Variants in MBNL1 observed in about 807,000 individuals in gnomAD.
MBNL1 encodes muscleblind-like protein 1.
MBNL1 carries 8 observed loss-of-function variants against 42.2 expected under a neutral mutation model. The ratio of observed to expected loss-of-function variants is 0.19; its 90% CI spans 0.11 to 0.34. The LOEUF (loss-of-function observed/expected upper bound fraction) is 0.34, where lower values mean the gene tolerates loss of function less well. MBNL1 is among the 10% of genes least tolerant of loss of function. The pLI is 1.00. For synonymous variants in MBNL1, 169 were observed against 173.9 expected, an observed-to-expected ratio of 0.97 and a Z score of 0.22; for missense variants, 309 against 495.3, an observed-to-expected ratio of 0.62 and a Z score of 3.57.
chr3:152,287,214 CAA>C (rs879707995), intron 1 of MBNL1, among the ~76,000 whole-genome samples: 5 of 84,220 alleles, frequency 5.9e-5, no homozygotes, highest in Non-Finnish European at 2.5e-5. Context: ...GACTCCGTCT[CAA>C]AAAAAAAAAA....
intron 3 of MBNL1, among the ~76,000 whole-genome samples, chr3:152,424,835 A>G (rs1053786838): frequency 6.6e-6 from 1 of 152,216 alleles, no homozygotes; most frequent in Non-Finnish European, 1.5e-5. Flanking sequence ...GATTCTGTAT[A>G]TAATACATGG....
intron 2 of MBNL1, among the ~76,000 whole-genome samples, chr3:152,333,325 G>C (rs189244940): frequency 5.5e-4 from 83 of 152,246 alleles, no homozygotes; most frequent in Admixed American, 1.1e-3. Flanking sequence ...TCTTAAGCTG[G>C]TAAATATCAT....
intron 1 of MBNL1, among the ~76,000 whole-genome samples, chr3:152,288,571 T>C (rs1038895942): frequency 1.3e-5 from 2 of 152,192 alleles, no homozygotes; most frequent in African/African-American, 4.8e-5. Flanking sequence ...TTTGTAGATA[T>C]AATGTATTAA....
chr3:152,277,234 A>AT (rs2045775355), intron 1 of MBNL1, among the ~76,000 whole-genome samples: 1 of 152,170 alleles, frequency 6.6e-6, no homozygotes, highest in African/African-American at 2.4e-5. Context: ...AGGTCACCAA[A>AT]TTCTTTGTCC....
chr3:152,384,982 G>T (rs1400473811), intron 2 of MBNL1, among the ~76,000 whole-genome samples: 2 of 151,932 alleles, frequency 1.3e-5, no homozygotes, highest in African/African-American at 4.8e-5. Context: ...TGAAAAGCAG[G>T]TCAAATAGCT....
chr3:152,431,202 A>G (rs1046430462), intron 3 of MBNL1, among the ~76,000 whole-genome samples: 3 of 152,162 alleles, frequency 2.0e-5, no homozygotes, highest in Non-Finnish European at 2.9e-5. Context: ...GTTGTAGGAC[A>G]CTTAGCAGCA....
At chr3:152,460,623 C>CAA (rs1056514938) in intron 9 of MBNL1, among the ~76,000 whole-genome samples, 1 of 136,038 alleles carries the variant, frequency 7.4e-6, no homozygotes, top group Admixed American at 7.3e-5. Context: ...AAAAAAAAAA[C>CAA]AAAAAAAAAA....
intron 6 of MBNL1, among the ~76,000 whole-genome samples, chr3:152,454,640 C>T (rs1730106004): frequency 6.6e-6 from 1 of 152,140 alleles, no homozygotes; most frequent in South Asian, 2.1e-4. Context: ...CAATTGTCAG[C>T]ATCAGTGCTA....
Position 152,367,362 on chromosome 3 carries a change from CT to C in MBNL1, c.175-47573del, listed in dbSNP as rs928940738. Among the ~76,000 whole-genome samples, 27 of 152,186 alleles carry C rather than the reference CT, an allele frequency of 1.8e-4. No individual in the cohort carries two copies. The South Asian group carries it at 3.1e-3, about 18-fold the overall frequency. ...TCCCTGCAAAGGATATGAAGTCATC[CT>C]TTTTTATGGCTGCATAGTATTCCAT... On this transcript the variant is annotated intron_variant, in intron 2 of 9. Transcript: ENST00000324210.
rs183696988 is a variant in MBNL1, at chr3:152,332,048, G to A, written c.174+31681G>A. Among the ~76,000 whole-genome samples the A allele has an allele frequency of 2.4e-4, 36 of 152,230 alleles. No homozygotes were observed. The East Asian group carries it at 6.9e-3, about 29-fold the overall frequency. On this transcript the variant is annotated intron_variant, in intron 2 of 9. Transcript: ENST00000324210. The stretch of plus-strand genomic sequence containing the variant: ...AATGATCAGAAACTTTAATGCAGCT[G>A]ATTGCATTGCCATTGACATCAGTGA...
chr3:152,251,666 G>T (rs1019918485), intron 2 of MBNL1, among the ~76,000 whole-genome samples: 1 of 151,622 alleles, frequency 6.6e-6, no homozygotes, highest in Non-Finnish European at 1.5e-5. Context: ...ATTAGATTAC[G>T]GTTATACACT....
chr3:152,445,273 A>G lies in MBNL1; in HGVS notation c.550-9A>G. ...TTGACTAAACCTCATGTACTTAATG[A>G]CCTCATAGGTATGTCGAGAGTACCA... On this transcript the variant is annotated splice_polypyrimidine_tract_variant and intron_variant, in intron 4 of 9. Coordinates refer to ENST00000324210, the MANE Select transcript of MBNL1 (RefSeq NM_021038.5). 1 of 1,606,902 alleles carries G rather than the reference A, an allele frequency of 6.2e-7. No individual in the cohort carries two copies. Among genetic ancestry groups the G allele is most frequent in the South Asian group, 1.1e-5 (1 of 90,606 alleles).
At chr3:152,452,282 C>T (rs578177167) in intron 6 of MBNL1, among the ~76,000 whole-genome samples, 3 of 152,254 alleles carry the variant, frequency 2.0e-5, no homozygotes, top group African/African-American at 7.2e-5. Flanking sequence ...ATACCACTTT[C>T]CTTTACACCA....
Position 152,460,254 on chromosome 3 carries a change from A to T in MBNL1, c.*18+909A>T, listed in dbSNP as rs77426914. Among the ~76,000 whole-genome samples, 248 of 148,694 alleles carry T rather than the reference A, an allele frequency of 1.7e-3. 1 individual carries two copies. Among genetic ancestry groups the T allele is most frequent in the African/African-American group, 5.6e-3 (230 of 41,062 alleles). The stretch of plus-strand genomic sequence containing the variant: ...GGGCAACAGAGCAAGACCTGTCTCA[A>T]AAAAAAAAAAATGTAGTGAGTCTGA... On this transcript the variant is annotated intron_variant, in intron 9 of 9. Coordinates refer to ENST00000324210, the MANE Select transcript of MBNL1 (RefSeq NM_021038.5).
chr3:152,455,542 G>T lies in MBNL1; in HGVS notation c.962G>T (p.Gly321Val). The part of the protein sequence containing the change: ...LQQHTAFLPP[G>V]SILCMTPATS... The stretch of plus-strand genomic sequence containing the variant: ...TCCTGTTGCAATGCATGATGGGCAG[G>T]CTCAATATTGTGCATGACACCCGCT... The change falls in exon 7 of 10, where the codon GGC becomes GTC. Residue 321 changes from glycine (G) to valine (V), a missense_variant and splice_region_variant. By Grantham distance (109) the Gly-to-Val change is moderately radical (BLOSUM62 -3). Transcript: ENST00000324210. The T allele has an allele frequency of 6.2e-7, 1 of 1,613,210 alleles. No individual in the cohort carries two copies. The highest frequency in any genetic ancestry group is 8.5e-7 in the Non-Finnish European group (1 of 1,179,414).
intron 2 of MBNL1, among the ~76,000 whole-genome samples, chr3:152,406,637 T>C (rs1472326083): frequency 6.6e-6 from 1 of 152,172 alleles, no homozygotes; most frequent in East Asian, 1.9e-4. Context: ...TTAAAGCTCT[T>C]AGGTTCTCTG....
intron 2 of MBNL1, among the ~76,000 whole-genome samples, chr3:152,353,885 T>C (rs2153025247): frequency 6.6e-6 from 1 of 152,164 alleles, no homozygotes; most frequent in African/African-American, 2.4e-5. Flanking sequence ...TGAGAGAAAA[T>C]CAGTATGAGC....
At chr3:152,356,209 C>G (rs1480961925) in intron 2 of MBNL1, among the ~76,000 whole-genome samples, 1 of 151,450 alleles carries the variant, frequency 6.6e-6, no homozygotes, top group Non-Finnish European at 1.5e-5. Context: ...CTAAGATAAA[C>G]AAATATCCCA....
At chr3:152,319,250 T>C (rs1039581479) in intron 2 of MBNL1, among the ~76,000 whole-genome samples, 6 of 152,302 alleles carry the variant, frequency 3.9e-5, no homozygotes, top group Middle Eastern at 3.4e-3. Context: ...TTGTTTAGCA[T>C]TTAGAGATGA....
Sources: gnomAD v4.1 joint callset for allele counts (sites outside exome capture counted in the v4.1 genomes callset) on GRCh38, gnomAD v4.1.1 for gene constraint, MANE v1.5 for transcripts, NCBI Gene and HGNC (gene_info 2026-07-23, HGNC 2026-07-21) for gene names.